Variants in SUPT20H observed in about 807,000 individuals in gnomAD.
SUPT20H encodes transcription factor SPT20 homolog.
A neutral mutation model predicts 122.8 loss-of-function variants in SUPT20H; 82 were observed. The observed-to-expected ratio is 0.67, with a 90% CI of 0.56 to 0.80. The LOEUF is 0.80. Ranked by LOEUF, SUPT20H falls within the 30% of genes least tolerant of loss-of-function variation. The probability of loss-of-function intolerance (pLI) is 0.00; values close to 1 mark genes in which losing one functional copy is unlikely to be tolerated. For missense variants in SUPT20H, 831 were observed against 921.6 expected (o/e 0.90, Z 1.27); for synonymous variants, 291 against 313.0 (o/e 0.93, Z 0.74).
intron 22 of SUPT20H, among the ~76,000 whole-genome samples, 169 bp downstream of exon 22, chr13:37,019,173 T>C (rs2061046801): frequency 6.6e-6 from 1 of 152,212 alleles, no homozygotes; most frequent in Non-Finnish European, 1.5e-5. Flanking sequence ...AGGATACTGA[T>C]TCTTTCTCTT....
chr13:37,015,652 A>G (rs2060338784), intron 23 of SUPT20H, among the ~76,000 whole-genome samples: 1 of 152,142 alleles, frequency 6.6e-6, no homozygotes, highest in Non-Finnish European at 1.5e-5. Flanking sequence ...AAAAATTACC[A>G]CATGAACCAG....
At chr13:37,013,304 C>T (rs2059909447) in intron 23 of SUPT20H, 1 of 151,916 alleles carries the variant, frequency 6.6e-6, no homozygotes, top group South Asian at 2.1e-4. Flanking sequence ...CTCAAATAGA[C>T]CCAACTGACT....
In SUPT20H at chr13:37,010,604, T is replaced by C. The variant is rs2059427729; in HGVS notation, c.2150A>G (p.Gln717Arg). ...AENRPEQSLPQQRFQLSSAFQ... is the reference protein window; with the variant it reads ...AENRPEQSLPRQRFQLSSAFQ... ...GGCAGAGGAGAGCTGGAATCTCTGC[T>C]GAGGAAGGCTTTGCTCAGGTCTGTT... Residue 717 changes from glutamine to arginine, a missense_variant, in exon 25 of 26, where the codon CAG becomes CGG. Gln to Arg is a conservative substitution (Grantham distance 43, BLOSUM62 1). Coordinates refer to ENST00000350612, the MANE Select transcript of SUPT20H (RefSeq NM_001014286.3). 1 of 1,613,830 alleles carries C rather than the reference T, an allele frequency of 6.2e-7. No individual in the cohort carries two copies. The highest frequency in any genetic ancestry group is 8.5e-7 in the Non-Finnish European group (1 of 1,179,926).
chr13:37,058,334 T>C (rs1380020881), intron 1 of SUPT20H, among the ~76,000 whole-genome samples: 3 of 152,296 alleles, frequency 2.0e-5, no homozygotes, highest in Non-Finnish European at 2.9e-5. Context: ...GTAAATGATT[T>C]ACGATCATTT....
intron 10 of SUPT20H, 78 bp from the exon 11 acceptor site, chr13:37,031,973 G>T: frequency 7.7e-7 from 1 of 1,297,622 alleles, no homozygotes; most frequent in Non-Finnish European, 1.0e-6. Flanking sequence ...ACTAGTCAGT[G>T]CTGAATATGT....
At chr13:37,016,685 C>T (rs2060565816) in intron 23 of SUPT20H, among the ~76,000 whole-genome samples, 1 of 152,118 alleles carries the variant, frequency 6.6e-6, no homozygotes, top group Non-Finnish European at 1.5e-5. Flanking sequence ...TAGAGAAACT[C>T]TGGATTTGGG....
chr13:37,038,026 T>C (rs995126189), intron 9 of SUPT20H: 2 of 151,760 alleles, frequency 1.3e-5, no homozygotes, highest in Admixed American at 1.3e-4. Flanking sequence ...CTTGATTTAA[T>C]ATGGGCTCTT....
chr13:37,018,720 A>G (rs1028765016), intron 22 of SUPT20H, among the ~76,000 whole-genome samples: 2 of 152,128 alleles, frequency 1.3e-5, no homozygotes, highest in African/African-American at 4.8e-5. Flanking sequence ...GCAGTGGCAC[A>G]ATGTCAGCTC....
chr13:37,049,549 G>T (rs1217555139), intron 2 of SUPT20H, among the ~76,000 whole-genome samples: 1 of 152,104 alleles, frequency 6.6e-6, no homozygotes, highest in Admixed American at 6.6e-5. Flanking sequence ...AGATCAGCCT[G>T]GCCAACATGG....
chr13:37,033,533 C>G lies in SUPT20H; in HGVS notation c.623G>C (p.Cys208Ser), dbSNP rs555039742. The G allele has an allele frequency of 2.5e-6, 4 of 1,613,474 alleles. No individual in the cohort carries two copies. In the African/African-American group the frequency reaches 4.0e-5, roughly 16 times the overall value. ...GGTGACTGCTATAGAAGGATCAAGA[C>G]AGAGTGGTTCAGCTGTAGCTAGGAT... ...QLILATAEPLCLDPSIAVTCT... is the reference protein window; with the variant it reads ...QLILATAEPLSLDPSIAVTCT... The change falls in exon 10 of 26, where the codon TGT becomes TCT. Residue 208 changes from cysteine to serine, a missense_variant. Transcript: ENST00000350612.
chr13:37,053,131 A>C (rs1037733510), intron 1 of SUPT20H, among the ~76,000 whole-genome samples: 1 of 152,218 alleles, frequency 6.6e-6, no homozygotes, highest in Non-Finnish European at 1.5e-5. Flanking sequence ...AGGATCTAGA[A>C]CCAGAAATAC....
At chr13:37,013,400 GTA>G (rs1438810587) in intron 23 of SUPT20H, 1 of 151,428 alleles carries the variant, frequency 6.6e-6, no homozygotes, top group Admixed American at 6.6e-5. Flanking sequence ...TCAACAAATG[GTA>G]TTGAAACAAT....
intron 10 of SUPT20H, among the ~76,000 whole-genome samples, chr13:37,032,568 G>C (rs1385680755): frequency 1.3e-5 from 2 of 152,152 alleles, no homozygotes; most frequent in African/African-American, 4.8e-5. Context: ...ACCAGTGCCA[G>C]GGTAGGGAAC....
intron 19 of SUPT20H, 177 bp downstream of exon 19, chr13:37,023,858 T>C: frequency 3.8e-6 from 2 of 524,528 alleles, no homozygotes; most frequent in East Asian, 6.4e-5. Flanking sequence ...ACAATTACAA[T>C]AGAGACATAA....
chr13:37,015,472 A>T (rs1033140811), intron 23 of SUPT20H, among the ~76,000 whole-genome samples: 2 of 150,240 alleles, frequency 1.3e-5, no homozygotes, highest in Non-Finnish European at 2.9e-5. Context: ...CCCATTAGGA[A>T]GGCTGCTTAA....
chr13:37,018,392 C>G (rs1247265767), intron 22 of SUPT20H, among the ~76,000 whole-genome samples: 1 of 152,156 alleles, frequency 6.6e-6, no homozygotes, highest in African/African-American at 2.4e-5. Flanking sequence ...GTATATTGTT[C>G]TGCAATTAGT....
intron 2 of SUPT20H, among the ~76,000 whole-genome samples, chr13:37,049,464 G>C (rs756782954): frequency 6.6e-6 from 1 of 152,182 alleles, no homozygotes; most frequent in Non-Finnish European, 1.5e-5. Flanking sequence ...ACATGGCCAG[G>C]CATGGTGGCT....
intron 4 of SUPT20H, 29 bp from the exon 5 acceptor site, chr13:37,047,630 A>C: frequency 7.4e-7 from 1 of 1,354,016 alleles, no homozygotes; most frequent in South Asian, 1.5e-5. Flanking sequence ...ACAAATATAT[A>C]AAATGTTAAC....
intron 23 of SUPT20H, 112 bp downstream of exon 23, chr13:37,017,133 A>G (rs2060647149): frequency 6.8e-7 from 1 of 1,477,106 alleles, no homozygotes; most frequent in Admixed American, 1.7e-5. Flanking sequence ...TTGTTAATAA[A>G]AACAGTACAG....
Sources: allele counts gnomAD v4.1 joint callset (sites outside exome capture counted in the v4.1 genomes callset), GRCh38; gene constraint gnomAD v4.1.1; transcripts MANE v1.5; gene names NCBI Gene and HGNC (gene_info 2026-07-23, HGNC 2026-07-21).